Variants in PTPN9 observed in about 807,000 individuals in gnomAD.
PTPN9 encodes the protein protein tyrosine phosphatase non-receptor type 9.
PTPN9 carries 26 observed loss-of-function variants against 69.8 expected under a neutral mutation model. The observed-to-expected ratio is 0.37, with a 90% CI of 0.27 to 0.52. The LOEUF (loss-of-function observed/expected upper bound fraction) is 0.52. Among genes scored for constraint, PTPN9 ranks in the 20% least tolerant of loss-of-function variants. The pLI, the probability that PTPN9 is intolerant of heterozygous loss-of-function variation, is 0.91. For synonymous variants in PTPN9, 274 were observed against 272.5 expected (o/e 1.01, Z -0.05); for missense variants, 549 against 740.3 (o/e 0.74, Z 3.00).
chr15:75,500,097 C>T (rs1276725695), intron 7 of PTPN9, among the ~76,000 whole-genome samples: 1 of 151,770 alleles, frequency 6.6e-6, no homozygotes, highest in Admixed American at 6.6e-5. Flanking sequence ...ACGAATCACC[C>T]GAGGTCAGGA....
chr15:75,523,059 GT>G (rs2074912077), intron 4 of PTPN9, 61 bp downstream of exon 4: 6 of 1,588,732 alleles, frequency 3.8e-6, no homozygotes, highest in African/African-American at 1.4e-5. Context: ...ATTTAATCAA[GT>G]AAAAAACTGT....
At chr15:75,530,656 T>C (rs1489251143) in intron 1 of PTPN9, among the ~76,000 whole-genome samples, 1 of 60,236 alleles carries the variant, frequency 1.7e-5, no homozygotes, top group Non-Finnish European at 2.6e-5. Flanking sequence ...TATATATTAT[T>C]ATATAATATA....
intron 1 of PTPN9, among the ~76,000 whole-genome samples, chr15:75,543,561 T>A (rs2075018673): frequency 6.6e-6 from 1 of 152,268 alleles, no homozygotes; most frequent in African/African-American, 2.4e-5. Flanking sequence ...TATATGTCAT[T>A]TGTTTGTTGA....
chr15:75,482,868 T>C (rs1395404312), intron 8 of PTPN9, among the ~76,000 whole-genome samples: 1 of 151,552 alleles, frequency 6.6e-6, no homozygotes, highest in East Asian at 1.9e-4. Flanking sequence ...GGCAGGAGAA[T>C]GGCATAAACC....
At position 75,490,224 on chromosome 15, in the gene PTPN9, C is replaced by G. The variant is rs758645507; in HGVS notation, c.1046G>C (p.Arg349Pro). Residue 349 changes from arginine (R) to proline (P), a missense_variant, in exon 8 of 13, where the codon CGA (arginine) becomes CCA (proline). By Grantham distance (103) the Arg-to-Pro change is moderately radical (BLOSUM62 -2). Around this residue, in one of 3 missense-constraint regions of PTPN9, gnomAD observed 457 missense variants for 661.9 expected, o/e 0.69. Transcript: ENST00000618819. ...LDQTRVKLTK[R>P]SGHTQTDYIN... ...TCTGTCTACCTGAGTATGGCCACTT[C>G]GCTTTGTTAGCTTCACTCTAGTTTG... The G allele has an allele frequency of 6.2e-7, 1 of 1,612,104 alleles. No homozygotes were observed. The highest frequency in any genetic ancestry group is 8.5e-7 in the Non-Finnish European group (1 of 1,178,128).
intron 4 of PTPN9, among the ~76,000 whole-genome samples, chr15:75,521,734 G>A (rs986609968): frequency 4.6e-5 from 7 of 152,092 alleles, no homozygotes; most frequent in Non-Finnish European, 1.0e-4. Flanking sequence ...GAAAGAAACT[G>A]AGGATAGGAG....
chr15:75,565,416 A>G (rs2075122607), intron 1 of PTPN9, among the ~76,000 whole-genome samples: 1 of 152,116 alleles, frequency 6.6e-6, no homozygotes, highest in Admixed American at 6.6e-5. Flanking sequence ...GAGATAAACC[A>G]TGGTTTCTCA....
chr15:75,482,110 C>T (rs2074640191), intron 8 of PTPN9, among the ~76,000 whole-genome samples: 1 of 151,292 alleles, frequency 6.6e-6, no homozygotes, highest in African/African-American at 2.4e-5. Context: ...TTGTTCTGCA[C>T]TAAGAAAAAT....
chr15:75,574,157 G>C (rs1567532591), intron 1 of PTPN9, among the ~76,000 whole-genome samples: 1 of 152,012 alleles, frequency 6.6e-6, no homozygotes, highest in South Asian at 2.1e-4. Context: ...GCAATGACAA[G>C]GCCTGTAATC....
chr15:75,487,104 T>G (rs910022778), intron 8 of PTPN9, among the ~76,000 whole-genome samples: 13 of 152,002 alleles, frequency 8.6e-5, no homozygotes, highest in African/African-American at 3.1e-4. Context: ...ATATATTAAC[T>G]AGCTTGACTT....
intron 1 of PTPN9, among the ~76,000 whole-genome samples, chr15:75,546,426 G>A (rs1348887293): frequency 5.9e-5 from 9 of 151,950 alleles, no homozygotes; most frequent in African/African-American, 2.4e-5. Context: ...GGCAGATCAC[G>A]AGGTCAGGAG....
chr15:75,472,129 AG>A (rs2074570133), intron 10 of PTPN9, among the ~76,000 whole-genome samples: 1 of 152,180 alleles, frequency 6.6e-6, no homozygotes, highest in African/African-American at 2.4e-5. Flanking sequence ...TAAATTTGCC[AG>A]ATTTGTAGAC....
At chr15:75,531,421 A>G (rs2074963622) in intron 1 of PTPN9, among the ~76,000 whole-genome samples, 1 of 152,218 alleles carries the variant, frequency 6.6e-6, no homozygotes, top group African/African-American at 2.4e-5. Flanking sequence ...GCTCCTTCAG[A>G]AAATAGTTTG....
At chr15:75,494,451 C>T (rs961175036) in intron 7 of PTPN9, among the ~76,000 whole-genome samples, 1 of 151,920 alleles carries the variant, frequency 6.6e-6, no homozygotes, top group Non-Finnish European at 1.5e-5. Flanking sequence ...CTCCCAGGTT[C>T]AAGGGATTCT....
chr15:75,561,719 TTTTA>T (rs2075104771), intron 1 of PTPN9, among the ~76,000 whole-genome samples: 2 of 151,994 alleles, frequency 1.3e-5, no homozygotes, highest in Non-Finnish European at 2.9e-5. Context: ...TTTTTATTAC[TTTTA>T]TTTGAGAAAG....
chr15:75,543,957 C>T (rs1050010555), intron 1 of PTPN9, among the ~76,000 whole-genome samples: 3 of 152,120 alleles, frequency 2.0e-5, no homozygotes, highest in Non-Finnish European at 2.9e-5. Context: ...GATGCTTCAA[C>T]GAGGAGTGTG....
intron 10 of PTPN9, 78 bp from the exon 11 acceptor site, chr15:75,470,908 A>G: frequency 3.9e-6 from 6 of 1,531,616 alleles, no homozygotes; most frequent in Non-Finnish European, 5.3e-6. Context: ...AAGACCTGAT[A>G]TACCCCCAGG....
At chr15:75,506,034 G>A (rs1438061920) in intron 6 of PTPN9, 31 bp from the exon 7 acceptor site, 2 of 1,518,942 alleles carry the variant, frequency 1.3e-6, no homozygotes, top group Non-Finnish European at 1.8e-6. Context: ...ATGTGAGTAT[G>A]TGGGAGGAGG....
chr15:75,576,233 A>C (rs1768389618), intron 1 of PTPN9, among the ~76,000 whole-genome samples: 1 of 150,578 alleles, frequency 6.6e-6, no homozygotes, highest in Admixed American at 6.6e-5. Flanking sequence ...TCAGTTAAAA[A>C]ACAAAAGGGT....
Sources: gnomAD v4.1 joint callset for allele counts (sites outside exome capture counted in the v4.1 genomes callset) on GRCh38, gnomAD v4.1.1 for gene constraint, gnomAD v4.1.1 regional missense constraint, MANE v1.5 for transcripts, NCBI Gene and HGNC (gene_info 2026-07-23, HGNC 2026-07-21) for gene names.